EML1: variants seen among roughly 807,000 people sequenced by gnomAD.
EML1 encodes the protein EMAP like 1, also known as echinoderm microtubule-associated protein-like 1.
In EML1, 27 loss-of-function variants were observed where a neutral mutation model predicts 110.4. The observed-to-expected ratio is 0.24, with a 90% CI of 0.18 to 0.34. EML1 has a LOEUF of 0.34. EML1 is among the 10% of genes least tolerant of loss of function. The probability of loss-of-function intolerance (pLI) is 1.00; values close to 1 mark genes in which losing one functional copy is unlikely to be tolerated. For missense variants in EML1, 741 were observed against 1,030.9 expected, an observed-to-expected ratio of 0.72 and a Z score of 3.85; for synonymous variants, 344 against 385.8, an observed-to-expected ratio of 0.89 and a Z score of 1.27.
intron 16 of EML1, among the ~76,000 whole-genome samples, 184 bp downstream of exon 16, chr14:99,918,033 G>A (rs1005028927): frequency 6.6e-6 from 1 of 152,110 alleles, no homozygotes; most frequent in Admixed American, 6.6e-5. Context: ...TTGAGCCTTG[G>A]GGAATCTGAG....
intron 1 of EML1, among the ~76,000 whole-genome samples, chr14:99,776,634 A>G (rs1374181003): frequency 6.6e-6 from 1 of 152,184 alleles, no homozygotes; most frequent in Non-Finnish European, 1.5e-5. Flanking sequence ...AGTGCACAAA[A>G]TAATGTAATT....
In EML1 at chr14:99,878,622, A is replaced by G; in HGVS notation, c.518+3A>G. ...AGTGGCAAAAAGAACAGTGAAAGGT[A>G]AGGACGTCTTATCTCTCAGTTCCTG... On this transcript the variant is annotated splice_donor_region_variant and intron_variant, in intron 4 of 21. Coordinates refer to ENST00000262233, the MANE Select transcript of EML1 (RefSeq NM_004434.3). 1.9e-6 allele frequency: 3 copies of G among 1,612,624 alleles called. No individual in the cohort carries two copies. Among genetic ancestry groups the G allele is most frequent in the Non-Finnish European group, 1.7e-6 (2 of 1,179,394 alleles).
rs780402565 is a variant in EML1 at position 99,850,924 on chromosome 14, A to C, written c.139A>C (p.Met47Leu). Residue 47 changes from methionine to leucine, a missense_variant, in exon 2 of 22, where the codon ATG (methionine) becomes CTG (leucine). By Grantham distance (15) the Met-to-Leu change is conservative. Coordinates refer to ENST00000262233, the MANE Select transcript of EML1 (RefSeq NM_004434.3). ...TGCTTCACTGGAGCAGAGAGTCCAG[A>C]TGCAAGAAGACGACATCCAGCTGCT... The part of the protein sequence containing the change: ...RIASLEQRVQ[M>L]QEDDIQLLKS... 73 of 1,614,200 alleles carry C rather than the reference A, an allele frequency of 4.5e-5. No individual in the cohort carries two copies. The highest frequency in any genetic ancestry group is 5.8e-5 in the Non-Finnish European group (69 of 1,180,038).
Position 99,894,623 on chromosome 14 carries a change from T to G in EML1, c.548-6T>G. On this transcript the variant is annotated splice_polypyrimidine_tract_variant and splice_region_variant and intron_variant, in intron 5 of 21. Coordinates refer to ENST00000262233, the MANE Select transcript of EML1 (RefSeq NM_004434.3). ...TATCTTACTGAAATCTTTGTTCTTT[T>G]TGTAGAAGAAGGCTATGTAAAAATG... 1 of 1,610,686 alleles carries G rather than the reference T, an allele frequency of 6.2e-7. No individual in the cohort carries two copies. The highest frequency in any genetic ancestry group is 8.5e-7 in the Non-Finnish European group (1 of 1,178,698).
chr14:99,751,949 A>G (rs2057180861), intron 1 of EML1, among the ~76,000 whole-genome samples: 1 of 152,128 alleles, frequency 6.6e-6, no homozygotes, highest in African/African-American at 2.4e-5. Context: ...TTTTACGGGC[A>G]CGTGGCAGCA....
Position 99,851,012 on chromosome 14 carries a change from T to C in EML1, c.227T>C (p.Leu76Pro). Residue 76 changes from leucine (L) to proline (P), a missense_variant, in exon 2 of 22, where the codon CTT becomes CCT. Coordinates refer to ENST00000262233, the MANE Select transcript of EML1 (RefSeq NM_004434.3). ...ATTACTGAGGAACAGCAGGCCGTGC[T>C]TAACAGGAAAGGACCTACCAAAGGT... ...LNITEEQQAV[L>P]NRKGPTKARP... 6.2e-7 allele frequency: 1 copy of C among 1,613,974 alleles called. No individual in the cohort carries two copies. The highest frequency in any genetic ancestry group is 8.5e-7 in the Non-Finnish European group (1 of 1,179,944).
intron 1 of EML1, among the ~76,000 whole-genome samples, chr14:99,739,119 AGTGTGT>A (rs71113220): frequency 0.023 from 3,107 of 134,846 alleles, 81 homozygotes; most frequent in African/African-American, 0.061. Flanking sequence ...AGAGAGAGAG[AGTGTGT>A]GTGTGTGTGT....
intron 7 of EML1, among the ~76,000 whole-genome samples, chr14:99,897,655 AC>A (rs1239110710): frequency 6.6e-6 from 1 of 151,950 alleles, no homozygotes; most frequent in Non-Finnish European, 1.5e-5. Flanking sequence ...AAACAGCGCC[AC>A]CTCTTTGGAG....
At chr14:99,938,629 A>G (rs1459832891) in intron 20 of EML1, among the ~76,000 whole-genome samples, 1 of 151,538 alleles carries the variant, frequency 6.6e-6, no homozygotes. Context: ...TCCCCCACCC[A>G]CCCATTCTCC....
rs990127181 is a variant in EML1, at chr14:99,939,029, G to C, written c.2192-168G>C. 2.0e-5 allele frequency among the ~76,000 whole-genome samples: 3 copies of C among 152,202 alleles called. No individual in the cohort carries two copies. Among genetic ancestry groups the C allele is most frequent in the Non-Finnish European group, 2.9e-5 (2 of 68,044 alleles). On this transcript the variant is annotated intron_variant, in intron 20 of 21. Coordinates refer to ENST00000262233, the MANE Select transcript of EML1 (RefSeq NM_004434.3). The surrounding 1 kb of genome is among the most constrained non-coding windows in gnomAD (Gnocchi z 4.2). Reference sequence around the variant, plus strand: ...TGGCCTGAGTGAGAGGAGACTGGGCGCACAGCGAGAGGCCAGGAACTGAGG... The same window carrying C: ...TGGCCTGAGTGAGAGGAGACTGGGCCCACAGCGAGAGGCCAGGAACTGAGG...
intron 4 of EML1, among the ~76,000 whole-genome samples, chr14:99,887,614 G>T (rs922089659): frequency 6.6e-6 from 1 of 152,062 alleles, no homozygotes; most frequent in Non-Finnish European, 1.5e-5. Flanking sequence ...TTTTTCCACC[G>T]AGCTCACATC....
chr14:99,740,092 T>A (rs1313377241), intron 1 of EML1, among the ~76,000 whole-genome samples: 1 of 152,184 alleles, frequency 6.6e-6, no homozygotes, highest in African/African-American at 2.4e-5. Context: ...TCTTATTATT[T>A]CACCAATACA....
chr14:99,844,223 G>T (rs1341157002), intron 1 of EML1, among the ~76,000 whole-genome samples: 1 of 152,176 alleles, frequency 6.6e-6, no homozygotes, highest in African/African-American at 2.4e-5. Context: ...GCTCACACCT[G>T]TAATCCCAGC....
chr14:99,755,826 G>C (rs2057245324), intron 1 of EML1, among the ~76,000 whole-genome samples: 1 of 152,218 alleles, frequency 6.6e-6, no homozygotes. Context: ...AGCTGCAAGA[G>C]GAAGTGTGGC....
chr14:99,837,305 C>T (rs1475408996), intron 1 of EML1, among the ~76,000 whole-genome samples: 1 of 152,094 alleles, frequency 6.6e-6, no homozygotes, highest in African/African-American at 2.4e-5. Flanking sequence ...CTAGGGTTCA[C>T]CTCTTTTGTT....
intron 1 of EML1, among the ~76,000 whole-genome samples, chr14:99,831,873 C>A (rs1195463688): frequency 6.7e-6 from 1 of 148,368 alleles, no homozygotes; most frequent in African/African-American, 2.5e-5. Context: ...GCTGCTTCCT[C>A]CCCTTAACAA....
Position 99,888,991 on chromosome 14 carries a change from T to C in EML1, c.519-2208T>C, listed in dbSNP as rs1348915485. Among the ~76,000 whole-genome samples, 4 of 151,734 alleles carry C rather than the reference T, an allele frequency of 2.6e-5. No individual in the cohort carries two copies. The East Asian group carries it at 7.7e-4, about 29-fold the overall frequency. On this transcript the variant is annotated intron_variant, in intron 4 of 21. Transcript: ENST00000262233. ...CCCAGACTTCCGTGAGTGTGCATGG[T>C]GGATTGGGAGCCGGACAGGCGGCTG... is the stretch of plus-strand genomic sequence containing the variant.
At chr14:99,844,129 T>G (rs1014480634) in intron 1 of EML1, among the ~76,000 whole-genome samples, 1 of 152,222 alleles carries the variant, frequency 6.6e-6, no homozygotes, top group Non-Finnish European at 1.5e-5. Flanking sequence ...AATATTTCTC[T>G]GCTGAGCTCT....
intron 1 of EML1, among the ~76,000 whole-genome samples, chr14:99,748,373 T>G (rs1317129144): frequency 6.6e-6 from 1 of 151,744 alleles, no homozygotes; most frequent in Admixed American, 6.6e-5. Context: ...CCAGCGATGC[T>G]CAAGGCTGCA....
Sources: allele counts gnomAD v4.1 joint callset (sites outside exome capture counted in the v4.1 genomes callset), GRCh38; gene constraint gnomAD v4.1.1; non-coding constraint Gnocchi (gnomAD v3.1); transcripts MANE v1.5; gene names NCBI Gene and HGNC (gene_info 2026-07-23, HGNC 2026-07-21).